The following NTM variants were observed in gnomAD, a reference collection of about 807,000 sequenced individuals.
NTM encodes the protein neurotrimin, also known as IgLON family member 2.
Under a neutral mutation model 42.1 loss-of-function variants are expected in NTM, and 13 were observed. The observed-to-expected ratio is 0.31, with a 90% CI of 0.20 to 0.49. The LOEUF (loss-of-function observed/expected upper bound fraction) is 0.49. Among genes scored for constraint, NTM ranks in the 20% least tolerant of loss-of-function variants. The probability of loss-of-function intolerance (pLI) is 0.99; values close to 1 mark genes in which losing one functional copy is unlikely to be tolerated. For synonymous variants in NTM, 187 were observed against 179.2 expected (o/e 1.04, Z -0.35); for missense variants, 373 against 452.8 (o/e 0.82, Z 1.60).
chr11:131,594,930 G>A (rs1039783867), intron 1 of NTM, among the ~76,000 whole-genome samples: 2 of 152,158 alleles, frequency 1.3e-5, no homozygotes, highest in African/African-American at 4.8e-5. Context: ...GTGTCTTTAA[G>A]CCACTTGCTC....
At position 132,086,239 on chromosome 11, in the gene NTM, A is replaced by G. The variant is rs193137602; in HGVS notation, c.168-60043A>G. Among the ~76,000 whole-genome samples the G allele has an allele frequency of 2.4e-4, 36 of 151,200 alleles. No homozygotes were observed. The East Asian group carries it at 6.7e-3, about 28-fold the overall frequency. On this transcript the variant is annotated intron_variant, in intron 2 of 8. Coordinates refer to ENST00000683400, the MANE Select transcript of NTM (RefSeq NM_001352005.2). ...CTTGGGAGGCTGAGGCAGGAAAATG[A>G]CATGAACCCAGGAGGCGGAGCTTGC...
intron 4 of NTM, among the ~76,000 whole-genome samples, chr11:132,294,404 TTA>T (rs139767804): frequency 0.016 from 2,466 of 152,204 alleles, 63 homozygotes; most frequent in African/African-American, 0.056. Context: ...CATTCAAGTC[TTA>T]GAGTGGAAAT....
chr11:131,632,909 G>A (rs1021119649), intron 1 of NTM, among the ~76,000 whole-genome samples: 10 of 147,156 alleles, frequency 6.8e-5, no homozygotes, highest in South Asian at 4.2e-4. Context: ...TCCTGACCTC[G>A]TGATCCGCCC....
rs567723794 is a variant in NTM at position 132,169,320 on chromosome 11, C to CTTTTTTTTTTTTTTTTTTTTTTTT, written c.400+22815_400+22838dup. Reference sequence around the variant, plus strand: ...GTGATATCTAGGTTTAATTTTTTTACTTTTTTTTTTTTTTTTTTTTTTTTT... The same window carrying CTTTTTTTTTTTTTTTTTTTTTTTT: ...GTGATATCTAGGTTTAATTTTTTTACTTTTTTTTTTTTTTTTTTTTTTTTTTTTTTTTTTTTTTTTTTTTTTTTT... On this transcript the variant is annotated intron_variant, in intron 3 of 8. Coordinates refer to ENST00000683400, the MANE Select transcript of NTM (RefSeq NM_001352005.2). Among the ~76,000 whole-genome samples the CTTTTTTTTTTTTTTTTTTTTTTTT allele has an allele frequency of 3.7e-4, 12 of 32,374 alleles. 5 individuals are homozygous for CTTTTTTTTTTTTTTTTTTTTTTTT. The highest frequency in any genetic ancestry group is 6.0e-4 in the Non-Finnish European group (11 of 18,374). 21.2% of individuals were successfully genotyped at this position (32,374 alleles called of 152,430 possible). A position where few individuals can be genotyped will look rare whatever the true frequency, so the allele number is the denominator to read the frequency against.
chr11:131,807,414 T>C (rs559794452), intron 1 of NTM, among the ~76,000 whole-genome samples: 1 of 152,296 alleles, frequency 6.6e-6, no homozygotes, highest in South Asian at 2.1e-4. Flanking sequence ...AGGAAAGTAG[T>C]GCTAAGAACA....
intron 1 of NTM, among the ~76,000 whole-genome samples, chr11:131,886,582 G>C (rs557844256): frequency 6.6e-6 from 1 of 152,312 alleles, no homozygotes; most frequent in South Asian, 2.1e-4. Flanking sequence ...CTGTCCATTT[G>C]GTGGCTGCTG....
At chr11:132,012,594 G>T (rs137964227) in intron 2 of NTM, among the ~76,000 whole-genome samples, 10 of 152,090 alleles carry the variant, frequency 6.6e-5, no homozygotes, top group African/African-American at 2.2e-4. Context: ...TTGTTAAAGC[G>T]CATACAGGAC....
chr11:131,623,483 T>C (rs1479415780), intron 1 of NTM, among the ~76,000 whole-genome samples: 1 of 152,246 alleles, frequency 6.6e-6, no homozygotes, highest in Non-Finnish European at 1.5e-5. Context: ...TACCAAATCA[T>C]GTTAGAGAGT....
intron 1 of NTM, among the ~76,000 whole-genome samples, chr11:131,830,594 G>A (rs377634307): frequency 4.7e-4 from 72 of 152,260 alleles, no homozygotes; most frequent in African/African-American, 1.6e-3. Flanking sequence ...TTGAAGTCAG[G>A]TAGTGTGATG....
chr11:131,923,781 T>G (rs2057555801), intron 2 of NTM, among the ~76,000 whole-genome samples: 2 of 152,164 alleles, frequency 1.3e-5, no homozygotes, highest in South Asian at 4.1e-4. Flanking sequence ...CTTTCTTTAT[T>G]AAGAGAATTG....
chr11:131,721,368 T>A (rs1506664), intron 1 of NTM, among the ~76,000 whole-genome samples: 27,522 of 152,132 alleles, frequency 0.18, 2,588 homozygotes, highest in Middle Eastern at 0.23. Flanking sequence ...CTGTGCAAGT[T>A]ACCAAACCAT....
chr11:132,293,155 A>G (rs1417849965), intron 4 of NTM, among the ~76,000 whole-genome samples: 2 of 152,198 alleles, frequency 1.3e-5, no homozygotes, highest in East Asian at 3.8e-4. Flanking sequence ...TTGAATAGAA[A>G]AAAATAATAA....
At chr11:131,496,121 C>T (rs1955314316) in intron 1 of NTM, among the ~76,000 whole-genome samples, 1 of 152,230 alleles carries the variant, frequency 6.6e-6, no homozygotes, top group Non-Finnish European at 1.5e-5. Flanking sequence ...TCTCTTCCCA[C>T]ATCTCCCCTG....
At position 131,940,107 on chromosome 11, in the gene NTM, G is replaced by T. The variant is rs1217066610; in HGVS notation, c.167+28459G>T. Among the ~76,000 whole-genome samples the T allele has an allele frequency of 3.3e-5, 5 of 152,204 alleles. No individual in the cohort carries two copies. In the East Asian group the frequency reaches 9.6e-4, roughly 29 times the overall value. On this transcript the variant is annotated intron_variant, in intron 2 of 8. Coordinates refer to ENST00000683400, the MANE Select transcript of NTM (RefSeq NM_001352005.2). The stretch of plus-strand genomic sequence containing the variant: ...CAGAGAGCTTTTCTCACTGTTTTTA[G>T]TCTCACTGAAGATGATCCCAGTATG...
chr11:131,762,448 A>G (rs1037367705), intron 1 of NTM, among the ~76,000 whole-genome samples: 22 of 152,238 alleles, frequency 1.4e-4, no homozygotes, highest in African/African-American at 5.1e-4. Context: ...TCCCCGTAGC[A>G]TAGGGACATG....
At chr11:132,275,896 A>G (rs886328322) in intron 4 of NTM, among the ~76,000 whole-genome samples, 2 of 151,780 alleles carry the variant, frequency 1.3e-5, no homozygotes, top group Non-Finnish European at 2.9e-5. Flanking sequence ...ACTGTTAACC[A>G]TAGTCACCCT....
chr11:131,439,523 C>A (rs1318772233), intron 1 of NTM, among the ~76,000 whole-genome samples: 2 of 152,202 alleles, frequency 1.3e-5, no homozygotes, highest in Non-Finnish European at 2.9e-5. Context: ...TGGTGGATGC[C>A]CCTCCCCCTG....
At chr11:131,546,020 C>G (rs1463684892) in intron 1 of NTM, among the ~76,000 whole-genome samples, 1 of 152,120 alleles carries the variant, frequency 6.6e-6, no homozygotes, top group African/African-American at 2.4e-5. Context: ...TTACCTAATA[C>G]ACTGCTGTGG....
intron 2 of NTM, among the ~76,000 whole-genome samples, chr11:132,044,073 T>C (rs1240644679): frequency 1.0e-5 from 1 of 100,068 alleles, no homozygotes; most frequent in Admixed American, 1.1e-4. Context: ...TGTGTATGTG[T>C]ATGTGTTTGT....
Sources: allele counts gnomAD v4.1 joint callset (sites outside exome capture counted in the v4.1 genomes callset), GRCh38; gene constraint gnomAD v4.1.1; transcripts MANE v1.5; gene names NCBI Gene and HGNC (gene_info 2026-07-23, HGNC 2026-07-21).